The following PCBP3 variants were observed in gnomAD, a reference collection of about 807,000 sequenced individuals.
PCBP3 encodes the protein poly(rC)-binding protein 3.
In PCBP3, 25 loss-of-function variants were observed where a neutral mutation model predicts 52.7. The observed-to-expected ratio is 0.47, with a 90% CI of 0.35 to 0.66. The LOEUF (loss-of-function observed/expected upper bound fraction) is 0.66. Ranked by LOEUF, PCBP3 falls within the 30% of genes least tolerant of loss-of-function variation. The pLI, the probability that PCBP3 is intolerant of heterozygous loss-of-function variation, is 0.01. For missense variants in PCBP3, 391 were observed against 490.3 expected, an observed-to-expected ratio of 0.80 and a Z score of 1.91; for synonymous variants, 162 against 183.0, an observed-to-expected ratio of 0.89 and a Z score of 0.93.
intron 4 of PCBP3, among the ~76,000 whole-genome samples, chr21:45,775,960 G>A (rs2090222054): frequency 1.3e-5 from 2 of 152,066 alleles, no homozygotes; most frequent in Admixed American, 1.3e-4. Context: ...GCTTTTTTCA[G>A]GTAGGCATTT....
At position 45,837,455 on chromosome 21, in the gene PCBP3, A is replaced by C. The variant is rs551661063; in HGVS notation, c.-125-12506A>C. 9.2e-5 allele frequency among the ~76,000 whole-genome samples: 14 copies of C among 152,346 alleles called. No homozygotes were observed. The highest frequency in any genetic ancestry group is 3.4e-4 in the African/African-American group (14 of 41,572). ...AGCCTAGGGATGGCGCTGTGAGAAC[A>C]GGCCACGGCGCCCTAGCTTCAGGTT... On this transcript the variant is annotated intron_variant, in intron 4 of 17. Coordinates refer to ENST00000681687, the MANE Select transcript of PCBP3 (RefSeq NM_001384156.1). The surrounding 1 kb of genome is among the most constrained non-coding windows in gnomAD (Gnocchi z 4.1).
At chr21:45,793,182 C>T (rs955921602) in intron 4 of PCBP3, among the ~76,000 whole-genome samples, 1 of 152,172 alleles carries the variant, frequency 6.6e-6, no homozygotes, top group African/African-American at 2.4e-5. Context: ...CACACGGCTC[C>T]TTCAAAGGGA....
chr21:45,844,178 C>G (rs1261492392), intron 4 of PCBP3, among the ~76,000 whole-genome samples: 1 of 152,094 alleles, frequency 6.6e-6, no homozygotes, highest in African/African-American at 2.4e-5. Flanking sequence ...TTGGGCTGGT[C>G]TGTCCAGCTC....
chr21:45,779,250 A>C (rs1218304569), intron 4 of PCBP3, among the ~76,000 whole-genome samples: 3 of 152,174 alleles, frequency 2.0e-5, no homozygotes, highest in Non-Finnish European at 4.4e-5. Context: ...TCTGTCCCAC[A>C]GTCTCCTGGC....
chr21:45,899,501 T>C (rs996027152), intron 6 of PCBP3, 98 bp from the exon 7 acceptor site: 5 of 867,086 alleles, frequency 5.8e-6, no homozygotes, highest in Middle Eastern at 2.2e-4. Context: ...TCTGCACTCA[T>C]ACCGGGAAGG....
intron 5 of PCBP3, among the ~76,000 whole-genome samples, chr21:45,892,888 C>T (rs1223258269): frequency 3.3e-5 from 5 of 152,160 alleles, no homozygotes; most frequent in Admixed American, 2.6e-4. Flanking sequence ...ACTTCCATGG[C>T]TGTGCGTCAG....
intron 2 of PCBP3, among the ~76,000 whole-genome samples, chr21:45,689,673 CTT>C (rs1482363165): frequency 6.6e-6 from 1 of 151,988 alleles, no homozygotes; most frequent in Admixed American, 6.6e-5. Context: ...AAACTAATAA[CTT>C]TAGCTAAATT....
At chr21:45,832,001 G>A (rs1029073767) in intron 4 of PCBP3, among the ~76,000 whole-genome samples, 1 of 152,168 alleles carries the variant, frequency 6.6e-6, no homozygotes, top group Non-Finnish European at 1.5e-5. Context: ...GTGAGCCACC[G>A]CAGCCAGCCA....
intron 4 of PCBP3, among the ~76,000 whole-genome samples, chr21:45,798,011 T>G (rs1250321818): frequency 1.4e-5 from 2 of 139,762 alleles, no homozygotes; most frequent in Non-Finnish European, 3.0e-5. Context: ...GTAGAGAGAG[T>G]GAATGGATGC....
intron 4 of PCBP3, among the ~76,000 whole-genome samples, chr21:45,773,367 A>G (rs549401268): frequency 6.6e-6 from 1 of 152,030 alleles, no homozygotes; most frequent in African/African-American, 2.4e-5. Flanking sequence ...TGGCTATCCA[A>G]TTTTTTCCAC....
At chr21:45,843,126 C>G (rs1343014819) in intron 4 of PCBP3, among the ~76,000 whole-genome samples, 2 of 147,852 alleles carry the variant, frequency 1.4e-5, no homozygotes, top group Non-Finnish European at 3.0e-5. Flanking sequence ...AAGGGCCCAG[C>G]CAGTCCCCCT....
intron 4 of PCBP3, among the ~76,000 whole-genome samples, chr21:45,815,039 AGTG>A (rs1468162313): frequency 9.4e-6 from 1 of 106,584 alleles, no homozygotes. Flanking sequence ...GTGAGTGATG[AGTG>A]GTGAGTGGTG....
intron 11 of PCBP3, chr21:45,911,449 C>T (rs1054668929): frequency 3.7e-6 from 1 of 273,642 alleles, no homozygotes; most frequent in South Asian, 3.7e-5. Context: ...GCATGCAGTT[C>T]TGCAGAAGGA....
Position 45,791,542 on chromosome 21 carries a change from A to T in PCBP3, c.-126+36090A>T. On this transcript the variant is annotated intron_variant, in intron 4 of 17. Coordinates refer to ENST00000681687, the MANE Select transcript of PCBP3 (RefSeq NM_001384156.1). The surrounding 1 kb of genome is among the most constrained non-coding windows in gnomAD (Gnocchi z 4.2). ...GAGGAGACGATGGTCTCGCGGCGTG[A>T]TCTGGGCTAGGGAAGGAGAGAAGCT... is the stretch of plus-strand genomic sequence containing the variant. 6.6e-6 allele frequency among the ~76,000 whole-genome samples: 1 copy of T among 152,212 alleles called. No individual in the cohort carries two copies. Among genetic ancestry groups the T allele is most frequent in the East Asian group, 1.9e-4 (1 of 5,190 alleles).
intron 3 of PCBP3, among the ~76,000 whole-genome samples, chr21:45,746,946 G>T (rs867988706): frequency 3.6e-5 from 2 of 56,118 alleles, no homozygotes; most frequent in Admixed American, 1.7e-4. Flanking sequence ...TTGACGTAGC[G>T]CACACGGTGT....
intron 4 of PCBP3, among the ~76,000 whole-genome samples, chr21:45,832,000 C>G (rs994712794): frequency 2.0e-5 from 3 of 152,072 alleles, no homozygotes; most frequent in African/African-American, 4.8e-5. Context: ...TGTGAGCCAC[C>G]GCAGCCAGCC....
rs916960631 is a variant in PCBP3 at position 45,656,011 on chromosome 21, G to A, written c.-279+12143G>A. On this transcript the variant is annotated intron_variant, in intron 1 of 17. Transcript: ENST00000681687. This position sits in a 1 kb window ranked among gnomAD's most constrained non-coding sequence, Gnocchi z 4.3. ...GGAAACAACAGATGCTGGAGAGGATGTGGAGAAATAGGAAAGCTTTTACAC... is the reference window on the plus strand; with the variant it reads ...GGAAACAACAGATGCTGGAGAGGATATGGAGAAATAGGAAAGCTTTTACAC... Among the ~76,000 whole-genome samples the A allele has an allele frequency of 6.6e-6, 1 of 152,232 alleles. No homozygotes were observed. Among genetic ancestry groups the A allele is most frequent in the Admixed American group, 6.5e-5 (1 of 15,290 alleles).
At chr21:45,659,794 C>T (rs906358095) in intron 1 of PCBP3, among the ~76,000 whole-genome samples, 3 of 151,756 alleles carry the variant, frequency 2.0e-5, no homozygotes, top group Non-Finnish European at 2.9e-5. Context: ...ATTTTTTTCC[C>T]TTGTGGTTGG....
At chr21:45,738,175 A>C (rs2086031050) in intron 3 of PCBP3, among the ~76,000 whole-genome samples, 1 of 152,148 alleles carries the variant, frequency 6.6e-6, no homozygotes, top group Non-Finnish European at 1.5e-5. Context: ...AAGAAGTAGT[A>C]ATGAATACTT....
Sources: allele counts gnomAD v4.1 joint callset (sites outside exome capture counted in the v4.1 genomes callset), GRCh38; gene constraint gnomAD v4.1.1; non-coding constraint Gnocchi (gnomAD v3.1); transcripts MANE v1.5; gene names NCBI Gene and HGNC (gene_info 2026-07-23, HGNC 2026-07-21).